The following ADGRL4 variants were observed in gnomAD, a reference collection of about 807,000 sequenced individuals.
ADGRL4 encodes adhesion G protein-coupled receptor L4.
Under a neutral mutation model 74.8 loss-of-function variants are expected in ADGRL4, and 90 were observed. That is an observed-to-expected ratio of 1.20 (90% CI 1.02 to 1.43). The LOEUF (loss-of-function observed/expected upper bound fraction) is 1.43, where lower values mean the gene tolerates loss of function less well. Among genes scored for constraint, ADGRL4 ranks in the 40% most tolerant of loss-of-function variants. The pLI, the probability that ADGRL4 is intolerant of heterozygous loss-of-function variation, is 0.00. For synonymous variants in ADGRL4, 311 were observed against 279.2 expected, an observed-to-expected ratio of 1.11 and a Z score of -1.14; for missense variants, 881 against 814.3, an observed-to-expected ratio of 1.08 and a Z score of -1.00.
intron 2 of ADGRL4, among the ~76,000 whole-genome samples, chr1:78,952,893 A>G (rs555472621): frequency 1.3e-4 from 20 of 152,228 alleles, no homozygotes; most frequent in Admixed American, 5.9e-4. Context: ...GACTTTGAAA[A>G]GTATGTATAA....
intron 2 of ADGRL4, among the ~76,000 whole-genome samples, chr1:78,993,802 T>C (rs1185559477): frequency 2.0e-5 from 3 of 152,162 alleles, no homozygotes; most frequent in African/African-American, 4.8e-5. Context: ...CTCGATTTCC[T>C]GACCTCGTGA....
intron 12 of ADGRL4, among the ~76,000 whole-genome samples, chr1:78,906,115 A>G (rs1178218075): frequency 5.3e-5 from 8 of 152,008 alleles, no homozygotes; most frequent in Non-Finnish European, 7.4e-5. Context: ...TTTATGATAT[A>G]AATTCATTAA....
At chr1:79,000,748 C>T (rs1650824113) in intron 2 of ADGRL4, among the ~76,000 whole-genome samples, 1 of 152,032 alleles carries the variant, frequency 6.6e-6, no homozygotes, top group Admixed American at 6.5e-5. Flanking sequence ...AAATCATGAT[C>T]CTGGAAGGTA....
At chr1:78,924,488 G>A (rs990670537) in intron 8 of ADGRL4, among the ~76,000 whole-genome samples, 14 of 151,934 alleles carry the variant, frequency 9.2e-5, no homozygotes, top group African/African-American at 3.1e-4. Context: ...GAAAATGATG[G>A]GGGAAGGGAA....
At chr1:78,919,028 T>C (rs1345104954) in intron 10 of ADGRL4, among the ~76,000 whole-genome samples, 1 of 151,908 alleles carries the variant, frequency 6.6e-6, no homozygotes, top group African/African-American at 2.4e-5. Flanking sequence ...CATTGGAGGA[T>C]AGTGGGAGAT....
intron 2 of ADGRL4, among the ~76,000 whole-genome samples, chr1:79,002,794 GATA>G (rs1650871575): frequency 6.6e-6 from 1 of 151,972 alleles, no homozygotes; most frequent in Non-Finnish European, 1.5e-5. Context: ...ATGTGATTAT[GATA>G]ATGACGATCA....
At chr1:78,944,581 A>G (rs1403159910) in intron 3 of ADGRL4, among the ~76,000 whole-genome samples, 2 of 152,182 alleles carry the variant, frequency 1.3e-5, no homozygotes, top group Non-Finnish European at 2.9e-5. Context: ...CATATTTTAA[A>G]TATTTTATAC....
chr1:78,943,952 G>A (rs1649542245), intron 3 of ADGRL4, among the ~76,000 whole-genome samples: 1 of 152,028 alleles, frequency 6.6e-6, no homozygotes, highest in Admixed American at 6.6e-5. Context: ...GCTAAAAATG[G>A]AATTAGCACA....
chr1:78,906,893 C>T (rs552613708), intron 12 of ADGRL4, among the ~76,000 whole-genome samples: 42 of 151,840 alleles, frequency 2.8e-4, no homozygotes, highest in Admixed American at 6.6e-4. Context: ...AAGATTTTCC[C>T]CCAAATTATT....
Position 78,986,167 on chromosome 1 carries a change from C to T in ADGRL4, c.172+18903G>A, listed in dbSNP as rs1433213995. ...CAAACCTGCACATGAATCCTTGGACCTAAACTAAAGGTTAAAAACAATAAT... is the reference window on the plus strand; with the variant it reads ...CAAACCTGCACATGAATCCTTGGACTTAAACTAAAGGTTAAAAACAATAAT... On this transcript the variant is annotated intron_variant, in intron 2 of 14. Transcript: ENST00000370742. Among the ~76,000 whole-genome samples, 92 of 151,638 alleles carry T rather than the reference C, an allele frequency of 6.1e-4. 1 individual carries two copies. The highest frequency in any genetic ancestry group is 8.9e-5 in the Non-Finnish European group (6 of 67,776).
intron 12 of ADGRL4, among the ~76,000 whole-genome samples, chr1:78,908,894 C>T (rs10518591): frequency 0.14 from 21,040 of 151,752 alleles, 1,637 homozygotes; most frequent in Admixed American, 0.22. Flanking sequence ...GAAGGTATTT[C>T]CAGTAAGAAT....
At chr1:78,918,539 C>T (rs546726733) in intron 10 of ADGRL4, among the ~76,000 whole-genome samples, 1 of 151,866 alleles carries the variant, frequency 6.6e-6, no homozygotes, top group African/African-American at 2.4e-5. Context: ...TATATTTCAT[C>T]AAAATATCCA....
At chr1:78,988,411 C>T (rs1034216581) in intron 2 of ADGRL4, among the ~76,000 whole-genome samples, 3 of 151,764 alleles carry the variant, frequency 2.0e-5, no homozygotes, top group African/African-American at 7.3e-5. Flanking sequence ...CTCTACTTTT[C>T]ATTTATTGGA....
chr1:78,891,547 A>G lies in ADGRL4; in HGVS notation c.1987T>C (p.Phe663Leu), dbSNP rs1341069525. ...NAFQGMFIFL[F>L]LCVLSRKIQE... The stretch of plus-strand genomic sequence containing the variant: ...ACCTTTCTAGATAAAACACACAGGA[A>G]TAAAAAAATGAACATCCCCTGGAAA... Residue 663 changes from phenylalanine to leucine, a missense_variant, in exon 14 of 15, where the codon TTC becomes CTC. Phe to Leu is a conservative substitution (Grantham distance 22). Transcript: ENST00000370742. The G allele has an allele frequency of 1.2e-6, 2 of 1,613,416 alleles. No homozygotes were observed. The highest frequency in any genetic ancestry group is 1.7e-6 in the Non-Finnish European group (2 of 1,179,704).
intron 2 of ADGRL4, among the ~76,000 whole-genome samples, chr1:78,948,331 G>A (rs1442943586): frequency 1.3e-5 from 2 of 152,138 alleles, no homozygotes; most frequent in African/African-American, 4.8e-5. Flanking sequence ...TAATGTAACA[G>A]TTTGATTCCA....
intron 3 of ADGRL4, among the ~76,000 whole-genome samples, chr1:78,942,807 G>A (rs554810558): frequency 1.3e-5 from 2 of 152,170 alleles, no homozygotes; most frequent in East Asian, 1.9e-4. Context: ...GGTGTGTAGT[G>A]TAGTCCCAGC....
intron 7 of ADGRL4, among the ~76,000 whole-genome samples, chr1:78,931,109 A>G (rs1433229273): frequency 6.6e-6 from 1 of 151,296 alleles, no homozygotes; most frequent in Non-Finnish European, 1.5e-5. Flanking sequence ...CCACGAGAAG[A>G]TCAACCCCAA....
intron 12 of ADGRL4, among the ~76,000 whole-genome samples, chr1:78,912,943 A>G (rs1390921595): frequency 6.6e-6 from 1 of 151,992 alleles, no homozygotes; most frequent in Non-Finnish European, 1.5e-5. Context: ...TAGAAGAAGA[A>G]AAAACAAACA....
At chr1:78,962,434 C>A (rs1358662665) in intron 2 of ADGRL4, among the ~76,000 whole-genome samples, 1 of 152,074 alleles carries the variant, frequency 6.6e-6, no homozygotes, top group Non-Finnish European at 1.5e-5. Flanking sequence ...CTCATATATG[C>A]CTTTATCTGT....
Sources: gnomAD v4.1 joint callset for allele counts (sites outside exome capture counted in the v4.1 genomes callset) on GRCh38, gnomAD v4.1.1 for gene constraint, MANE v1.5 for transcripts, NCBI Gene and HGNC (gene_info 2026-07-23, HGNC 2026-07-21) for gene names.